Variants in GABRA5 observed in about 807,000 individuals in gnomAD.
The protein encoded by GABRA5 is gamma-aminobutyric acid receptor subunit alpha-5.
In GABRA5, 18 loss-of-function variants were observed where a neutral mutation model predicts 47.3. The observed-to-expected ratio is 0.38, with a 90% confidence interval of 0.26 to 0.56. The LOEUF (loss-of-function observed/expected upper bound fraction) is 0.56, where lower values mean the gene tolerates loss of function less well. Ranked by LOEUF, GABRA5 falls within the 20% of genes least tolerant of loss-of-function variation. GABRA5 has a pLI of 0.71. For synonymous variants in GABRA5, 237 were observed against 229.3 expected, an observed-to-expected ratio of 1.03 and a Z score of -0.30; for missense variants, 365 against 599.3, an observed-to-expected ratio of 0.61 and a Z score of 4.08.
chr15:26,896,100 C>G (rs992494959), intron 6 of GABRA5, among the ~76,000 whole-genome samples: 6 of 152,170 alleles, frequency 3.9e-5, no homozygotes, highest in Non-Finnish European at 8.8e-5. Flanking sequence ...CTGACCGCTC[C>G]TTTGCCCGAC....
chr15:26,908,519 C>T (rs985932719), intron 6 of GABRA5, among the ~76,000 whole-genome samples: 6 of 152,274 alleles, frequency 3.9e-5, no homozygotes, highest in East Asian at 1.9e-4. Context: ...GCAGGCTTTC[C>T]GATGGGGCAC....
chr15:26,884,944 C>T (rs1049516730), intron 6 of GABRA5, among the ~76,000 whole-genome samples: 1 of 152,176 alleles, frequency 6.6e-6, no homozygotes, highest in Non-Finnish European at 1.5e-5. Context: ...CTAACCCCCT[C>T]AGACCCTACC....
chr15:26,899,472 T>A (rs1893274895), intron 6 of GABRA5, among the ~76,000 whole-genome samples: 1 of 152,218 alleles, frequency 6.6e-6, no homozygotes, highest in South Asian at 2.1e-4. Context: ...TATAGTATAG[T>A]CAAAGTCTTG....
At chr15:26,896,417 AGTG>A (rs1238143432) in intron 6 of GABRA5, among the ~76,000 whole-genome samples, 1 of 152,196 alleles carries the variant, frequency 6.6e-6, no homozygotes, top group Non-Finnish European at 1.5e-5. Flanking sequence ...CCAGAAACCC[AGTG>A]GGTTTCAATT....
At chr15:26,938,731 C>T (rs1199103371) in intron 8 of GABRA5, among the ~76,000 whole-genome samples, 1 of 152,220 alleles carries the variant, frequency 6.6e-6, no homozygotes, top group Admixed American at 6.5e-5. Context: ...GGAAAGTGCA[C>T]CTTTGCACTG....
At chr15:26,939,119 C>T in intron 8 of GABRA5, 1 of 698,542 alleles carries the variant, frequency 1.4e-6, no homozygotes, top group Non-Finnish European at 2.6e-6. Flanking sequence ...ATTGCTCTTC[C>T]TCCACCCCTC....
chr15:26,872,438 T>C (rs1566861747), intron 3 of GABRA5, among the ~76,000 whole-genome samples: 2 of 152,160 alleles, frequency 1.3e-5, no homozygotes, highest in East Asian at 3.9e-4. Context: ...CTGACTTGAA[T>C]GCACACATTT....
chr15:26,879,559 G>A (rs922737146), intron 3 of GABRA5, among the ~76,000 whole-genome samples: 5 of 152,186 alleles, frequency 3.3e-5, no homozygotes, highest in African/African-American at 1.2e-4. Flanking sequence ...ATGGTGATGT[G>A]AAACTTAGAT....
chr15:26,868,022 C>T (rs777188159), intron 1 of GABRA5: 1 of 152,040 alleles, frequency 6.6e-6, no homozygotes, highest in South Asian at 2.1e-4. Context: ...CGGGTGGCGA[C>T]CGCGGGTGCC....
At chr15:26,882,824 T>C (rs1367878088) in intron 4 of GABRA5, among the ~76,000 whole-genome samples, 1 of 152,106 alleles carries the variant, frequency 6.6e-6, no homozygotes, top group East Asian at 1.9e-4. Context: ...GCTGGCATCA[T>C]TGCTCCAGGT....
intron 3 of GABRA5, 95 bp downstream of exon 3, chr15:26,869,429 C>T (rs1051448074): frequency 4.4e-5 from 34 of 777,826 alleles, no homozygotes; most frequent in Non-Finnish European, 6.7e-5. Context: ...AGCAAGTCCT[C>T]GCCTGCCACC....
In GABRA5 at chr15:26,885,063, G is replaced by A. The variant is rs934468901; in HGVS notation, c.497+1506G>A. ...TGTAATCCCAGCACTTTGGGAGGCC[G>A]AGGCGGGAGGATCACGAGATCAGGA... On this transcript the variant is annotated intron_variant, in intron 6 of 10. Coordinates refer to ENST00000335625, the MANE Select transcript of GABRA5 (RefSeq NM_000810.4). 8.5e-5 allele frequency among the ~76,000 whole-genome samples: 13 copies of A among 152,120 alleles called. No individual in the cohort carries two copies. In the South Asian group the frequency reaches 1.0e-3, roughly 12 times the overall value.
chr15:26,894,474 G>C (rs977958365), intron 6 of GABRA5, among the ~76,000 whole-genome samples: 1 of 152,110 alleles, frequency 6.6e-6, no homozygotes, highest in African/African-American at 2.4e-5. Context: ...TCTTGCCTGC[G>C]CCTCTTCCAC....
chr15:26,875,615 G>A (rs191377892), intron 3 of GABRA5, among the ~76,000 whole-genome samples: 6 of 152,286 alleles, frequency 3.9e-5, no homozygotes, highest in East Asian at 1.9e-4. Context: ...GAGGAATGGC[G>A]GGTGAATCCC....
chr15:26,946,183 T>C (rs1222981826), intron 10 of GABRA5, among the ~76,000 whole-genome samples: 3 of 152,220 alleles, frequency 2.0e-5, no homozygotes, highest in Non-Finnish European at 4.4e-5. Flanking sequence ...TTTTCTTTAT[T>C]CTTAATGGTT....
chr15:26,927,916 A>G (rs1279874541), intron 7 of GABRA5, among the ~76,000 whole-genome samples: 2 of 152,244 alleles, frequency 1.3e-5, no homozygotes, highest in Non-Finnish European at 2.9e-5. Context: ...ACTCTTAAGA[A>G]TTCCATCAAA....
intron 6 of GABRA5, among the ~76,000 whole-genome samples, chr15:26,903,522 A>G (rs2140281925): frequency 6.6e-6 from 1 of 152,248 alleles, no homozygotes; most frequent in South Asian, 2.1e-4. Flanking sequence ...GTCTTTGAGG[A>G]GTTGCCCCAC....
At chr15:26,889,259 G>A (rs1415894850) in intron 6 of GABRA5, among the ~76,000 whole-genome samples, 2 of 152,196 alleles carry the variant, frequency 1.3e-5, no homozygotes, top group Non-Finnish European at 2.9e-5. Flanking sequence ...GAAATACGAT[G>A]TAGTGAAAAG....
intron 6 of GABRA5, among the ~76,000 whole-genome samples, chr15:26,901,784 C>G (rs1893333235): frequency 6.6e-6 from 1 of 152,076 alleles, no homozygotes; most frequent in African/African-American, 2.4e-5. Context: ...TATAGTTTTG[C>G]ATTTACCATT....
Sources: gnomAD v4.1 joint callset for allele counts (sites outside exome capture counted in the v4.1 genomes callset) on GRCh38, gnomAD v4.1.1 for gene constraint, MANE v1.5 for transcripts, NCBI Gene and HGNC (gene_info 2026-07-23, HGNC 2026-07-21) for gene names.